Variants in PHF20 observed in about 807,000 individuals in gnomAD.
PHF20 encodes the protein glioma-expressed antigen 2.
In PHF20, 23 loss-of-function variants were observed where a neutral mutation model predicts 113.5. That is an observed-to-expected ratio of 0.20 (90% CI 0.15 to 0.29). The LOEUF (loss-of-function observed/expected upper bound fraction) is 0.29. Among genes scored for constraint, PHF20 ranks in the 10% least tolerant of loss-of-function variants. The pLI is 1.00. For synonymous variants in PHF20, 434 were observed against 457.3 expected (o/e 0.95, Z 0.65); for missense variants, 943 against 1,219.6 (o/e 0.77, Z 3.38).
At chr20:35,821,810 A>G (rs1220849115) in intron 2 of PHF20, among the ~76,000 whole-genome samples, 1 of 152,146 alleles carries the variant, frequency 6.6e-6, no homozygotes, top group South Asian at 2.1e-4. Flanking sequence ...ATGAGAAGTG[A>G]TCAGCGTCTG....
intron 9 of PHF20, among the ~76,000 whole-genome samples, chr20:35,889,062 G>A (rs1445550512): frequency 6.9e-6 from 1 of 143,892 alleles, no homozygotes; most frequent in Non-Finnish European, 1.5e-5. Context: ...TGTCACCTAG[G>A]CTGGAGTGCA....
At chr20:35,940,015 G>A (rs941816059) in intron 16 of PHF20, among the ~76,000 whole-genome samples, 1 of 152,164 alleles carries the variant, frequency 6.6e-6, no homozygotes, top group Non-Finnish European at 1.5e-5. Flanking sequence ...GATTCTGAGC[G>A]GGTTACTTCA....
At chr20:35,826,204 C>T (rs528635762) in intron 2 of PHF20, among the ~76,000 whole-genome samples, 46 of 152,220 alleles carry the variant, frequency 3.0e-4, no homozygotes, top group Admixed American at 3.9e-4. Context: ...CCACCACACT[C>T]GACTAATTTT....
chr20:35,915,663 G>A (rs1485135903), intron 12 of PHF20, among the ~76,000 whole-genome samples: 1 of 152,094 alleles, frequency 6.6e-6, no homozygotes, highest in Non-Finnish European at 1.5e-5. Flanking sequence ...GGGATTACAG[G>A]CATGAGCCAC....
At chr20:35,852,661 C>T (rs1317094401) in intron 4 of PHF20, among the ~76,000 whole-genome samples, 3 of 150,634 alleles carry the variant, frequency 2.0e-5, no homozygotes, top group East Asian at 3.9e-4. Context: ...TGCAGTGGCT[C>T]GATCTCAGCT....
chr20:35,937,417 G>A (rs1435618770), intron 15 of PHF20, among the ~76,000 whole-genome samples: 4 of 151,196 alleles, frequency 2.6e-5, no homozygotes, highest in East Asian at 1.9e-4. Flanking sequence ...GTGGTGAGCC[G>A]AGATCGCACC....
intron 10 of PHF20, among the ~76,000 whole-genome samples, chr20:35,904,767 C>CTCCTTCCTTCCTTCCTTCTTTCCT (rs1555799928): frequency 1.6e-5 from 2 of 125,614 alleles, no homozygotes; most frequent in African/African-American, 6.7e-5. Flanking sequence ...GATTTCTTTT[C>CTCCTTCCTTCCTTCCTTCTTTCCT]TCCTTCCTTC....
chr20:35,858,179 T>TA (rs2042872982), intron 4 of PHF20, 123 bp from the exon 5 acceptor site: 1 of 492,132 alleles, frequency 2.0e-6, no homozygotes, highest in Admixed American at 3.8e-5. Context: ...ATATGATTCT[T>TA]AAACAGTTTT....
chr20:35,914,222 C>T (rs1414956986), intron 12 of PHF20, 25 bp downstream of exon 12: 11 of 1,599,510 alleles, frequency 6.9e-6, no homozygotes, highest in Non-Finnish European at 9.4e-6. Context: ...CTGTCCTGAT[C>T]ATTTGCTGAT....
intron 9 of PHF20, chr20:35,878,631 T>C (rs1345366210): frequency 3.8e-6 from 3 of 780,590 alleles, no homozygotes; most frequent in Non-Finnish European, 7.1e-6. Context: ...AAAATGTCCC[T>C]TCATCTGATC....
rs564018823 is a variant in PHF20, at chr20:35,917,349, A to T, written c.1826-135A>T. 57 of 814,978 alleles carry T rather than the reference A, an allele frequency of 7.0e-5. No homozygotes were observed. In the East Asian group the frequency reaches 1.5e-3, roughly 21 times the overall value. The allele number at this position is 814,978 out of a possible 1,614,324, so 50.5% of individuals were successfully genotyped here. On this transcript the variant is annotated intron_variant, in intron 12 of 17. Transcript: ENST00000374012. ...ATGACAGATCCAAGGACAGATTGGC[A>T]TCCTCGTTTCCTTGCCCTATGAATG... is the stretch of plus-strand genomic sequence containing the variant.
intron 14 of PHF20, 29 bp downstream of exon 14, chr20:35,927,908 C>A: frequency 6.9e-7 from 1 of 1,453,122 alleles, no homozygotes; most frequent in Non-Finnish European, 9.7e-7. Context: ...AGGGATATAA[C>A]AGTATGTAGC....
At chr20:35,934,689 G>T (rs1348218248) in intron 15 of PHF20, among the ~76,000 whole-genome samples, 1 of 151,822 alleles carries the variant, frequency 6.6e-6, no homozygotes, top group Non-Finnish European at 1.5e-5. Context: ...GGCAGGGCAG[G>T]CTGGGCAGGT....
intron 13 of PHF20, among the ~76,000 whole-genome samples, chr20:35,923,150 G>C (rs896389769): frequency 6.6e-6 from 1 of 152,110 alleles, no homozygotes; most frequent in Non-Finnish European, 1.5e-5. Flanking sequence ...AAACAAATGC[G>C]TATGGCTGTG....
At chr20:35,934,390 A>G (rs749486615) in intron 15 of PHF20, among the ~76,000 whole-genome samples, 1 of 152,252 alleles carries the variant, frequency 6.6e-6, no homozygotes, top group Non-Finnish European at 1.5e-5. Flanking sequence ...TGAATGGTTC[A>G]AGGCTAGGCA....
intron 2 of PHF20, among the ~76,000 whole-genome samples, chr20:35,836,479 T>C (rs571768714): frequency 6.6e-6 from 1 of 152,344 alleles, no homozygotes; most frequent in South Asian, 2.1e-4. Flanking sequence ...TGCCATTTTG[T>C]GGGTGTGCCA....
intron 2 of PHF20, among the ~76,000 whole-genome samples, chr20:35,819,812 G>C (rs980575497): frequency 6.6e-6 from 1 of 152,112 alleles, no homozygotes. Context: ...TTTGGCTTTG[G>C]TTTTTAGTAT....
At chr20:35,935,030 A>AT (rs931763078) in intron 15 of PHF20, among the ~76,000 whole-genome samples, 34 of 148,024 alleles carry the variant, frequency 2.3e-4, no homozygotes, top group South Asian at 6.4e-4. Context: ...TTAAAAAAAA[A>AT]TTTTTTTTTT....
intron 1 of PHF20, among the ~76,000 whole-genome samples, chr20:35,800,867 G>A (rs6058324): frequency 6.6e-6 from 1 of 151,942 alleles, no homozygotes; most frequent in East Asian, 1.9e-4. Flanking sequence ...AATTTTTTTT[G>A]TTTTTAAGAG....
Sources: gnomAD v4.1 joint callset for allele counts (sites outside exome capture counted in the v4.1 genomes callset) on GRCh38, gnomAD v4.1.1 for gene constraint, MANE v1.5 for transcripts, NCBI Gene and HGNC (gene_info 2026-07-23, HGNC 2026-07-21) for gene names.